BCAR3: variants seen among roughly 807,000 people sequenced by gnomAD.
The protein encoded by BCAR3 is breast cancer anti-estrogen resistance protein 3.
A neutral mutation model predicts 80.1 loss-of-function variants in BCAR3; 37 were observed. That is an observed-to-expected ratio of 0.46 (90% CI 0.36 to 0.61). The LOEUF (loss-of-function observed/expected upper bound fraction) is 0.61, where lower values mean the gene tolerates loss of function less well. BCAR3 is among the 20% of genes least tolerant of loss of function. The pLI is 0.00. For synonymous variants in BCAR3, 389 were observed against 418.9 expected, an observed-to-expected ratio of 0.93 and a Z score of 0.87; for missense variants, 978 against 1,068.2, an observed-to-expected ratio of 0.92 and a Z score of 1.18.
At chr1:93,573,213 T>A (rs1673289305) in intron 8 of BCAR3, among the ~76,000 whole-genome samples, 1 of 152,004 alleles carries the variant, frequency 6.6e-6, no homozygotes, top group African/African-American at 2.4e-5. Flanking sequence ...CTGGGCAACA[T>A]GGGCTAAACC....
intron 2 of BCAR3, among the ~76,000 whole-genome samples, chr1:93,669,319 T>A (rs1571027309): frequency 6.6e-6 from 1 of 152,324 alleles, no homozygotes. Flanking sequence ...GGGCTTTAAA[T>A]CAATGTTTTA....
chr1:93,715,860 T>G (rs529554696), intron 2 of BCAR3, among the ~76,000 whole-genome samples: 1 of 152,306 alleles, frequency 6.6e-6, no homozygotes, highest in South Asian at 2.1e-4. Context: ...TTGCCCTTTT[T>G]CAATTTCTGT....
intron 2 of BCAR3, among the ~76,000 whole-genome samples, chr1:93,819,758 TA>T (rs1654151328): frequency 6.6e-6 from 1 of 152,208 alleles, no homozygotes; most frequent in African/African-American, 2.4e-5. Flanking sequence ...TTTATTTATT[TA>T]TTTTTCTTTC....
chr1:93,662,650 G>A (rs370826811), intron 2 of BCAR3, among the ~76,000 whole-genome samples: 3 of 151,918 alleles, frequency 2.0e-5, no homozygotes, highest in Non-Finnish European at 4.4e-5. Context: ...CTCACCCCAC[G>A]GATAGCACCA....
At chr1:93,811,919 C>T (rs11165004) in intron 2 of BCAR3, among the ~76,000 whole-genome samples, 21,534 of 152,100 alleles carry the variant, frequency 0.14, 2,474 homozygotes, top group African/African-American at 0.31. Context: ...TTTTATAGCT[C>T]GGAAACTGAC....
chr1:93,721,291 G>A (rs1412572984), intron 2 of BCAR3, among the ~76,000 whole-genome samples: 1 of 152,070 alleles, frequency 6.6e-6, no homozygotes, highest in Non-Finnish European at 1.5e-5. Context: ...GAATCCTCAA[G>A]AACAACATCT....
rs565098858 is a variant in BCAR3, at chr1:93,650,962, A to T, written c.318-8619T>A. Among the ~76,000 whole-genome samples, 16 of 152,344 alleles carry T rather than the reference A, an allele frequency of 1.1e-4. No homozygotes were observed. In the East Asian group the frequency reaches 2.9e-3, roughly 28 times the overall value. ...AAGATTAAAAACCATGAATGAAAGG[A>T]GGTAGGAGCCATTTGTCAGAGCACA... is the stretch of plus-strand genomic sequence containing the variant. On this transcript the variant is annotated intron_variant, in intron 2 of 11. Transcript: ENST00000260502.
At chr1:93,562,495 C>T (rs990116658) in intron 11 of BCAR3, 76 bp from the exon 12 acceptor site, 27 of 1,437,212 alleles carry the variant, frequency 1.9e-5, no homozygotes, top group East Asian at 1.4e-4. Context: ...AAGCACCAGG[C>T]GCGGTGGCTC....
chr1:93,622,877 T>C (rs1290419117), intron 3 of BCAR3, among the ~76,000 whole-genome samples: 1 of 152,186 alleles, frequency 6.6e-6, no homozygotes, highest in African/African-American at 2.4e-5. Flanking sequence ...TTGCAGTGTA[T>C]ATCCAAATGG....
rs934260601 is a variant in BCAR3, at chr1:93,668,821, C to T, written c.317+5793G>A. On this transcript the variant is annotated intron_variant, in intron 2 of 11. Coordinates refer to ENST00000260502, the MANE Select transcript of BCAR3 (RefSeq NM_003567.4). ...CCGCCTCCTGAGTTCAAGTGATTCT[C>T]CTGCCTCAGCCTCCCCAGTAGCTGG... is the stretch of plus-strand genomic sequence containing the variant. Among the ~76,000 whole-genome samples the T allele has an allele frequency of 5.3e-5, 8 of 151,646 alleles. 1 individual carries two copies. The highest frequency in any genetic ancestry group is 2.6e-4 in the Admixed American group (4 of 15,210).
At chr1:93,778,009 T>C (rs1044928318) in intron 2 of BCAR3, among the ~76,000 whole-genome samples, 38 of 152,234 alleles carry the variant, frequency 2.5e-4, no homozygotes, top group Non-Finnish European at 8.8e-5. Context: ...CATTGTCCCA[T>C]TTGTGGCCAG....
intron 2 of BCAR3, among the ~76,000 whole-genome samples, chr1:93,707,318 T>G (rs1368259902): frequency 2.0e-5 from 3 of 152,160 alleles, no homozygotes; most frequent in African/African-American, 7.2e-5. Flanking sequence ...ATTTCTGTAT[T>G]TTGAAGTACA....
At chr1:93,747,379 T>C (rs1365211009) in intron 2 of BCAR3, among the ~76,000 whole-genome samples, 2 of 151,966 alleles carry the variant, frequency 1.3e-5, no homozygotes, top group East Asian at 3.8e-4. Flanking sequence ...CCCAGCATTG[T>C]TGCAGACAGT....
At chr1:93,713,035 T>C (rs77976242) in intron 2 of BCAR3, among the ~76,000 whole-genome samples, 6,132 of 152,336 alleles carry the variant, frequency 0.04, 189 homozygotes, top group Admixed American at 0.08. Context: ...GAACTTTCTG[T>C]AATGATGAGA....
At chr1:93,598,460 C>T (rs1447918066) in intron 3 of BCAR3, among the ~76,000 whole-genome samples, 1 of 152,204 alleles carries the variant, frequency 6.6e-6, no homozygotes, top group Non-Finnish European at 1.5e-5. Context: ...ACTCTATCCC[C>T]AGGCCTAGGA....
chr1:93,566,110 T>TGGAA (rs943650854), intron 11 of BCAR3, among the ~76,000 whole-genome samples: 5 of 152,304 alleles, frequency 3.3e-5, no homozygotes, highest in African/African-American at 1.2e-4. Context: ...CGGTCTTATG[T>TGGAA]GGAAGGGCTT....
chr1:93,812,251 C>T (rs1340355826), intron 2 of BCAR3, among the ~76,000 whole-genome samples: 3 of 152,140 alleles, frequency 2.0e-5, no homozygotes, highest in African/African-American at 7.2e-5. Flanking sequence ...ATTTTCCACG[C>T]ACCCTTACCA....
chr1:93,664,577 T>G (rs1488301268), intron 2 of BCAR3, among the ~76,000 whole-genome samples: 1 of 152,196 alleles, frequency 6.6e-6, no homozygotes. Flanking sequence ...CATATTACAC[T>G]ATGGTGAGTC....
intron 7 of BCAR3, among the ~76,000 whole-genome samples, chr1:93,577,478 T>C (rs1673503963): frequency 3.3e-5 from 5 of 152,214 alleles, no homozygotes; most frequent in Admixed American, 3.3e-4. Context: ...ACTGTGCTCC[T>C]ACCTGTGCTC....
Sources: gnomAD v4.1 joint callset for allele counts (sites outside exome capture counted in the v4.1 genomes callset) on GRCh38, gnomAD v4.1.1 for gene constraint, MANE v1.5 for transcripts, NCBI Gene and HGNC (gene_info 2026-07-23, HGNC 2026-07-21) for gene names.